Variants in PROX1 observed in about 807,000 individuals in gnomAD.
The protein encoded by PROX1 is prospero homeobox protein 1.
In PROX1, 7 loss-of-function variants were observed where a neutral mutation model predicts 58.8. The observed-to-expected ratio is 0.12, with a 90% CI of 0.07 to 0.22. The LOEUF (loss-of-function observed/expected upper bound fraction) is 0.22, where lower values mean the gene tolerates loss of function less well. PROX1 is among the 10% of genes least tolerant of loss of function. The probability of loss-of-function intolerance (pLI) is 1.00; values close to 1 mark genes in which losing one functional copy is unlikely to be tolerated. For synonymous variants in PROX1, 350 were observed against 358.3 expected (o/e 0.98, Z 0.26); for missense variants, 675 against 927.8 (o/e 0.73, Z 3.54).
chr1:213,995,631 A>G (rs964230158), intron 1 of PROX1, among the ~76,000 whole-genome samples: 1 of 152,116 alleles, frequency 6.6e-6, no homozygotes, highest in African/African-American at 2.4e-5. Context: ...TATTCCTCAT[A>G]TTGATTTCTA....
intron 4 of PROX1, chr1:214,030,340 T>C (rs528032366): frequency 2.6e-5 from 4 of 152,106 alleles, no homozygotes; most frequent in Admixed American, 2.6e-4. Context: ...AAAAAAAAAA[T>C]TAGCTTAAAA....
chr1:214,030,229 A>C (rs930759230), intron 4 of PROX1: 7 of 152,462 alleles, frequency 4.6e-5, no homozygotes, highest in African/African-American at 1.7e-4. Context: ...CCACACACAA[A>C]CTAATTCACC....
In PROX1 at chr1:213,997,965, C is replaced by G; in HGVS notation, c.1430C>G (p.Thr477Arg). 3.1e-6 allele frequency: 5 copies of G among 1,614,052 alleles called. No homozygotes were observed. Among genetic ancestry groups the G allele is most frequent in the Non-Finnish European group, 4.2e-6 (5 of 1,179,952 alleles). The part of the protein sequence containing the change: ...SPLSATTGFT[T>R]STFRHPFPLP... Reference sequence around the variant, plus strand: ...CTCTCTGCCACCACGGGCTTCACCACGTCCACCTTCCGCCACCCCTTCCCC... The same window carrying G: ...CTCTCTGCCACCACGGGCTTCACCAGGTCCACCTTCCGCCACCCCTTCCCC... Residue 477 changes from threonine (T) to arginine (R), a missense_variant, in exon 2 of 5, where the codon ACG becomes AGG. Physicochemically the swap from Thr to Arg is moderately conservative, Grantham distance 71 (BLOSUM62 -1). Transcript: ENST00000366958. This position sits in a 1 kb window ranked among gnomAD's most constrained non-coding sequence, Gnocchi z 7.1.
chr1:214,005,393 G>T, intron 3 of PROX1, 121 bp downstream of exon 3: 1 of 733,126 alleles, frequency 1.4e-6, no homozygotes, highest in South Asian at 1.9e-5. Context: ...TGTTATAATT[G>T]ATTTAATGCA....
upstream of PROX1, chr1:213,985,697 C>T (rs1662807752): frequency 6.6e-6 from 1 of 152,290 alleles, no homozygotes; most frequent in Non-Finnish European, 1.5e-5. Context: ...TTCCCGCCGC[C>T]AGTTCCCGGG....
At chr1:213,999,233 C>T (rs547290543) in intron 2 of PROX1, among the ~76,000 whole-genome samples, 2 of 151,810 alleles carry the variant, frequency 1.3e-5, no homozygotes, top group African/African-American at 4.8e-5. Flanking sequence ...CTCTGTATAT[C>T]GGTTCTTTCT....
intron 2 of PROX1, among the ~76,000 whole-genome samples, chr1:213,998,715 A>G (rs75831282): frequency 0.019 from 2,965 of 152,308 alleles, 106 homozygotes; most frequent in African/African-American, 0.066. Context: ...CTAAGATCCC[A>G]TAAGAAGAAT....
intron 4 of PROX1, among the ~76,000 whole-genome samples, chr1:214,034,331 G>A (rs779505180): frequency 1.3e-5 from 2 of 152,096 alleles, no homozygotes; most frequent in African/African-American, 4.8e-5. Flanking sequence ...ACTTTGGTAC[G>A]TGGCATGTCT....
Position 214,036,399 on chromosome 1 carries a change from T to C in PROX1, c.*565T>C, listed in dbSNP as rs1558191111. On this transcript the variant is annotated 3_prime_UTR_variant, in exon 5 of 5. Coordinates refer to ENST00000366958, the MANE Select transcript of PROX1 (RefSeq NM_001270616.2). Reference sequence around the variant, plus strand: ...AGATGAGCAGCTCACTTTTCCAAAGTACCCCAAAAGGCCAAATTAAAAAAG... The same window carrying C: ...AGATGAGCAGCTCACTTTTCCAAAGCACCCCAAAAGGCCAAATTAAAAAAG... 1 of 152,178 alleles carries C rather than the reference T, an allele frequency of 6.6e-6. No individual in the cohort carries two copies. Among genetic ancestry groups the C allele is most frequent in the Non-Finnish European group, 1.5e-5 (1 of 68,034 alleles). 9.4% of individuals were successfully genotyped at this position (152,178 alleles called of 1,614,324 possible).
chr1:213,993,721 A>T (rs1663118589), intron 1 of PROX1, among the ~76,000 whole-genome samples: 1 of 152,082 alleles, frequency 6.6e-6, no homozygotes, highest in Non-Finnish European at 1.5e-5. Flanking sequence ...CTATATGGAG[A>T]GATATATTTA....
At chr1:213,990,732 C>G (rs1380937351) in intron 1 of PROX1, among the ~76,000 whole-genome samples, 1 of 148,854 alleles carries the variant, frequency 6.7e-6, no homozygotes, top group Non-Finnish European at 1.5e-5. Context: ...CTTTGGATAG[C>G]AATGAGTGGT....
At chr1:214,034,795 G>A (rs1388911634) in intron 4 of PROX1, among the ~76,000 whole-genome samples, 3 of 152,082 alleles carry the variant, frequency 2.0e-5, no homozygotes, top group African/African-American at 7.2e-5. Context: ...GGACCTTGAG[G>A]AATTTCCTTA....
At chr1:214,004,062 G>T (rs1357185065) in intron 2 of PROX1, among the ~76,000 whole-genome samples, 2 of 152,096 alleles carry the variant, frequency 1.3e-5, no homozygotes, top group Non-Finnish European at 2.9e-5. Context: ...AAAATCCTTA[G>T]AGAAGCTTCT....
intron 4 of PROX1, among the ~76,000 whole-genome samples, chr1:214,026,297 T>G (rs1664456178): frequency 6.6e-6 from 1 of 152,180 alleles, no homozygotes; most frequent in Admixed American, 6.5e-5. Context: ...TGTGAGCAAA[T>G]AAACTAGCCA....
At chr1:214,027,031 G>T (rs540653446) in intron 4 of PROX1, among the ~76,000 whole-genome samples, 1 of 152,176 alleles carries the variant, frequency 6.6e-6, no homozygotes, top group Non-Finnish European at 1.5e-5. Flanking sequence ...ATGTCAAGTG[G>T]TCTGACTTGG....
In PROX1 at chr1:214,035,914, A is replaced by G. The variant is rs911128743; in HGVS notation, c.*80A>G. ...CCAAGTTATATGTGTCTAGATTTTG[A>G]TTTCATATATATGTGTATGGGAGGC... On this transcript the variant is annotated 3_prime_UTR_variant, in exon 5 of 5. Transcript: ENST00000366958. 6 of 1,286,208 alleles carry G rather than the reference A, an allele frequency of 4.7e-6. No individual in the cohort carries two copies. The highest frequency in any genetic ancestry group is 6.4e-6 in the Non-Finnish European group (6 of 938,288). The allele number at this position is 1,286,208 out of a possible 1,614,324, so 79.7% of individuals were successfully genotyped here.
chr1:214,017,129 T>C (rs938989376), intron 4 of PROX1, among the ~76,000 whole-genome samples: 2 of 152,082 alleles, frequency 1.3e-5, no homozygotes, highest in Admixed American at 1.3e-4. Flanking sequence ...TCAATAGCAG[T>C]GTCTTGGCAC....
intron 4 of PROX1, among the ~76,000 whole-genome samples, chr1:214,034,618 A>ACAT (rs1257630432): frequency 2.0e-5 from 3 of 152,208 alleles, no homozygotes; most frequent in Non-Finnish European, 4.4e-5. Context: ...CTAAATAAGT[A>ACAT]CATCAGTAGC....
In PROX1 at chr1:214,023,588, G is replaced by A. The variant is rs372198677; in HGVS notation, c.2028+11873G>A. ...AGCCTACTTGGTAGTGTTTGCAAAA[G>A]CAACACCACCCTTTTCTTTAAATAT... is the stretch of plus-strand genomic sequence containing the variant. On this transcript the variant is annotated intron_variant, in intron 4 of 4. Coordinates refer to ENST00000366958, the MANE Select transcript of PROX1 (RefSeq NM_001270616.2). Among the ~76,000 whole-genome samples the A allele has an allele frequency of 3.3e-5, 5 of 152,218 alleles. No homozygotes were observed. The South Asian group carries it at 1.0e-3, about 32-fold the overall frequency.
Sources: gnomAD v4.1 joint callset for allele counts (sites outside exome capture counted in the v4.1 genomes callset) on GRCh38, gnomAD v4.1.1 for gene constraint, Gnocchi (gnomAD v3.1) non-coding constraint, MANE v1.5 for transcripts, NCBI Gene and HGNC (gene_info 2026-07-23, HGNC 2026-07-21) for gene names.